The following GABRA1 variants were observed in gnomAD, a reference collection of about 807,000 sequenced individuals.
GABRA1 encodes the protein gamma-aminobutyric acid type A receptor subunit alpha1.
GABRA1 carries 9 observed loss-of-function variants against 48.9 expected under a neutral mutation model. The observed-to-expected ratio is 0.18, with a 90% CI of 0.11 to 0.32. GABRA1 has a LOEUF of 0.32. Ranked by LOEUF, GABRA1 falls within the 10% of genes least tolerant of loss-of-function variation. The pLI, the probability that GABRA1 is intolerant of heterozygous loss-of-function variation, is 1.00. For synonymous variants in GABRA1, 210 were observed against 198.7 expected, an observed-to-expected ratio of 1.06 and a Z score of -0.48; for missense variants, 285 against 553.8, an observed-to-expected ratio of 0.51 and a Z score of 4.87.
intron 7 of GABRA1, among the ~76,000 whole-genome samples, chr5:161,886,776 C>T (rs900044073): frequency 2.6e-5 from 4 of 151,772 alleles, no homozygotes; most frequent in Non-Finnish European, 5.9e-5. Context: ...GACCCTGTCT[C>T]AAAATAATAA....
chr5:161,880,308 C>T (rs1754558225), intron 6 of GABRA1, among the ~76,000 whole-genome samples: 1 of 152,032 alleles, frequency 6.6e-6, no homozygotes, highest in African/African-American at 2.4e-5. Flanking sequence ...AAGATGCTTC[C>T]ATTAAAAAAC....
At chr5:161,862,625 A>G (rs966677905) in intron 3 of GABRA1, among the ~76,000 whole-genome samples, 1 of 151,920 alleles carries the variant, frequency 6.6e-6, no homozygotes, top group Non-Finnish European at 1.5e-5. Context: ...TTCCTAAAGT[A>G]AGTATGTGGT....
rs1435023492 is a variant in GABRA1, at chr5:161,850,781, T to C, written c.-15-15T>C. 1.1e-5 allele frequency: 18 copies of C among 1,608,420 alleles called. No homozygotes were observed. In the East Asian group the frequency reaches 4.0e-4, roughly 36 times the overall value. ...CTTGCTAGAGACATTGATCTCTACT[T>C]ATTCTACTTTTCAGCTGCTCCAGCC... On this transcript the variant is annotated splice_polypyrimidine_tract_variant and intron_variant, in intron 1 of 9. Transcript: ENST00000393943.
chr5:161,882,477 T>C, intron 6 of GABRA1, 81 bp from the exon 7 acceptor site: 3 of 1,297,418 alleles, frequency 2.3e-6, no homozygotes, highest in Non-Finnish European at 3.4e-6. Flanking sequence ...ATAGAAAATA[T>C]GAAGCTGATG....
At chr5:161,848,816 G>A (rs1757321274) in intron 1 of GABRA1, 5 of 333,956 alleles carry the variant, frequency 1.5e-5, no homozygotes, top group South Asian at 8.7e-5. Context: ...GGTGAGTTGG[G>A]GAGGGGCGTC....
At chr5:161,862,677 T>A (rs995783338) in intron 3 of GABRA1, among the ~76,000 whole-genome samples, 1 of 152,014 alleles carries the variant, frequency 6.6e-6, no homozygotes, top group African/African-American at 2.4e-5. Flanking sequence ...TTACTCATCA[T>A]TGTATTACTG....
At chr5:161,866,047 T>G (rs2113355440) in intron 4 of GABRA1, among the ~76,000 whole-genome samples, 1 of 152,180 alleles carries the variant, frequency 6.6e-6, no homozygotes. Flanking sequence ...AAATGATTGG[T>G]TTGCCTTGGT....
At chr5:161,865,894 C>A in intron 4 of GABRA1, 106 bp downstream of exon 4, 1 of 885,240 alleles carries the variant, frequency 1.1e-6, no homozygotes, top group Non-Finnish European at 1.9e-6. Flanking sequence ...AAAGTCTTGG[C>A]TATACTTTTG....
At position 161,882,544 on chromosome 5, in the gene GABRA1, C is replaced by T. The variant is rs1165134872; in HGVS notation, c.560-14C>T. On this transcript the variant is annotated splice_polypyrimidine_tract_variant and intron_variant, in intron 6 of 9. Transcript: ENST00000393943. ...GGTAAAATATATGGATCATTTTCTA[C>T]TGTTTCCTTTTAGATGCTTATACAA... The T allele has an allele frequency of 6.2e-7, 1 of 1,611,238 alleles. No individual in the cohort carries two copies. The highest frequency in any genetic ancestry group is 8.5e-7 in the Non-Finnish European group (1 of 1,177,710).
intron 7 of GABRA1, among the ~76,000 whole-genome samples, chr5:161,890,630 G>A (rs554743106): frequency 1.3e-5 from 2 of 152,100 alleles, no homozygotes; most frequent in South Asian, 4.2e-4. Context: ...ACTCAGATTT[G>A]TTCCTCCAAT....
intron 3 of GABRA1, among the ~76,000 whole-genome samples, chr5:161,863,991 G>A (rs531472081): frequency 5.3e-5 from 8 of 151,826 alleles, no homozygotes; most frequent in East Asian, 1.9e-4. Context: ...TTGCTGCCCC[G>A]CCACTGGACA....
intron 3 of GABRA1, among the ~76,000 whole-genome samples, chr5:161,859,051 ATATT>A (rs1757755476): frequency 6.6e-6 from 1 of 151,676 alleles, no homozygotes; most frequent in African/African-American, 2.4e-5. Flanking sequence ...CATTTAACAG[ATATT>A]TAGTTAACAT....
chr5:161,848,886 T>A, intron 1 of GABRA1: 2 of 442,336 alleles, frequency 4.5e-6, no homozygotes, highest in South Asian at 1.6e-5. Flanking sequence ...TGTTCCATCA[T>A]CCTAGGGAAG....
At position 161,893,048 on chromosome 5, in the gene GABRA1, T is replaced by TAATAAAAAAAAA. The variant is rs5872733; in HGVS notation, c.856+2000_856+2001insTAAAAAAAAAAA. Among the ~76,000 whole-genome samples the TAATAAAAAAAAA allele has an allele frequency of 1.3e-3, 181 of 141,998 alleles. 1 individual carries two copies. The highest frequency in any genetic ancestry group is 1.6e-3 in the Admixed American group (22 of 14,152). 93.2% of individuals were successfully genotyped at this position (141,998 alleles called of 152,430 possible). A position where few individuals can be genotyped will look rare whatever the true frequency, so the allele number is the denominator to read the frequency against. ...ATAATAATAATAATAATAATAATAA[T>TAATAAAAAAAAA]AAAATAAACACAGGACATATTTATG... On this transcript the variant is annotated intron_variant, in intron 8 of 9. Transcript: ENST00000393943.
chr5:161,850,426 A>C (rs1757393203), intron 1 of GABRA1: 1 of 445,110 alleles, frequency 2.2e-6, no homozygotes, highest in Non-Finnish European at 3.9e-6. Flanking sequence ...TGGAAACTGA[A>C]ATCTTAAAAG....
At chr5:161,859,076 C>T in intron 3 of GABRA1, among the ~76,000 whole-genome samples, 2 of 151,784 alleles carry the variant, frequency 1.3e-5, no homozygotes, top group South Asian at 4.2e-4. Context: ...TTTCTTTTTC[C>T]TGTAAATGTT....
At chr5:161,891,641 C>A (rs780317426) in intron 8 of GABRA1, among the ~76,000 whole-genome samples, 2 of 152,086 alleles carry the variant, frequency 1.3e-5, no homozygotes, top group South Asian at 2.1e-4. Context: ...GGTAAACAAC[C>A]TTTTACAAAT....
In GABRA1 at chr5:161,873,246, C is replaced by T. The variant is rs146134200; in HGVS notation, c.385C>T (p.His129Tyr). The T allele has an allele frequency of 1.2e-6, 2 of 1,613,776 alleles. No individual in the cohort carries two copies. Among genetic ancestry groups the T allele is most frequent in the African/African-American group, 2.7e-5 (2 of 74,894 alleles). The change falls in exon 5 of 10, where the codon CAC (histidine) becomes TAC (tyrosine). Residue 129 changes from histidine (H) to tyrosine (Y), a missense_variant. By Grantham distance (83) the His-to-Tyr change is moderately conservative. Around this residue, in one of 6 missense-constraint regions of GABRA1, gnomAD observed 105 missense variants for 267.4 expected, o/e 0.39. Coordinates refer to ENST00000393943, the MANE Select transcript of GABRA1 (RefSeq NM_001127644.2). Reference sequence around the variant, plus strand: ...AATCTGGACTCCGGACACATTTTTCCACAATGGAAAGAAGTCAGTGGCCCA... The same window carrying T: ...AATCTGGACTCCGGACACATTTTTCTACAATGGAAAGAAGTCAGTGGCCCA... ...SKIWTPDTFF[H>Y]NGKKSVAHNM...
intron 8 of GABRA1, among the ~76,000 whole-genome samples, chr5:161,894,375 A>C (rs1755265013): frequency 6.6e-6 from 1 of 152,174 alleles, no homozygotes; most frequent in Admixed American, 6.5e-5. Context: ...TAAATTCAGG[A>C]GCCTGAATTT....
Sources: gnomAD v4.1 joint callset for allele counts (sites outside exome capture counted in the v4.1 genomes callset) on GRCh38, gnomAD v4.1.1 for gene constraint, gnomAD v4.1.1 regional missense constraint, MANE v1.5 for transcripts, NCBI Gene and HGNC (gene_info 2026-07-23, HGNC 2026-07-21) for gene names.